The following SLC6A15 variants were observed in gnomAD, a reference collection of about 807,000 sequenced individuals.
The protein encoded by SLC6A15 is solute carrier family 6 member 15.
A neutral mutation model predicts 68.5 loss-of-function variants in SLC6A15; 33 were observed. The ratio of observed to expected loss-of-function variants is 0.48; its 90% CI spans 0.37 to 0.64. The LOEUF (loss-of-function observed/expected upper bound fraction) is 0.64. Ranked by LOEUF, SLC6A15 falls within the 30% of genes least tolerant of loss-of-function variation. The probability of loss-of-function intolerance (pLI) is 0.00; values close to 1 mark genes in which losing one functional copy is unlikely to be tolerated. For missense variants in SLC6A15, 747 were observed against 874.3 expected (o/e 0.85, Z 1.84); for synonymous variants, 347 against 301.0 (o/e 1.15, Z -1.58).
chr12:84,872,769 A>G lies in SLC6A15; in HGVS notation c.1135T>C (p.Leu379=). 2 of 1,603,124 alleles carry G rather than the reference A, an allele frequency of 1.2e-6. No individual in the cohort carries two copies. The highest frequency in any genetic ancestry group is 1.1e-5 in the South Asian group (1 of 88,066). ...TQNSETIMKF[L]KMGNISQDII... Reference sequence around the variant, plus strand: ...TCCTGACTAATGTTCCCCATTTTCAAAAATTTCATGATCGTCTCTGAATTT... The same window carrying G: ...TCCTGACTAATGTTCCCCATTTTCAGAAATTTCATGATCGTCTCTGAATTT... The change falls in exon 8 of 12, where the codon TTG becomes CTG. Residue 379 remains leucine, a synonymous_variant. Coordinates refer to ENST00000266682, the MANE Select transcript of SLC6A15 (RefSeq NM_182767.6).
chr12:84,872,978 G>T, intron 7 of SLC6A15, 109 bp downstream of exon 7: 1 of 1,352,754 alleles, frequency 7.4e-7, no homozygotes, highest in Non-Finnish European at 9.9e-7. Context: ...TGTTTGTGTC[G>T]AACTATCACA....
At position 84,859,733 on chromosome 12, in the gene SLC6A15, A is replaced by G. The variant is rs1353888626; in HGVS notation, c.*1899T>C. ...CAACACAAAAATAAACAAAATTTTTATTAGTTCAGCCTCTGAAATAAGGAA... is the reference window on the plus strand; with the variant it reads ...CAACACAAAAATAAACAAAATTTTTGTTAGTTCAGCCTCTGAAATAAGGAA... On this transcript the variant is annotated 3_prime_UTR_variant, in exon 12 of 12. Transcript: ENST00000266682. The G allele has an allele frequency of 6.6e-6, 1 of 152,110 alleles. No individual in the cohort carries two copies. Among genetic ancestry groups the G allele is most frequent in the African/African-American group, 2.4e-5 (1 of 41,456 alleles). The allele number at this position is 152,110 out of a possible 1,614,324, so 9.4% of individuals were successfully genotyped here.
chr12:84,895,973 TAGA>T (rs1404487058), intron 1 of SLC6A15, among the ~76,000 whole-genome samples: 3 of 152,072 alleles, frequency 2.0e-5, no homozygotes, highest in African/African-American at 7.2e-5. Flanking sequence ...CATCTGAGAA[TAGA>T]AGAAGAAATG....
chr12:84,898,225 C>T (rs1316557438), intron 1 of SLC6A15, among the ~76,000 whole-genome samples: 2 of 152,128 alleles, frequency 1.3e-5, no homozygotes, highest in African/African-American at 4.8e-5. Flanking sequence ...CCTTTAGTCC[C>T]AGCTACTTGG....
rs1284209593 is a variant in SLC6A15 at position 84,860,471 on chromosome 12, T to C, written c.*1161A>G. 6.6e-6 allele frequency: 1 copy of C among 152,110 alleles called. No homozygotes were observed. Among genetic ancestry groups the C allele is most frequent in the Admixed American group, 6.6e-5 (1 of 15,256 alleles). The allele number at this position is 152,110 out of a possible 1,614,324, so 9.4% of individuals were successfully genotyped here. A position where few individuals can be genotyped will look rare whatever the true frequency, so the allele number is the denominator to read the frequency against. On this transcript the variant is annotated 3_prime_UTR_variant, in exon 12 of 12. Coordinates refer to ENST00000266682, the MANE Select transcript of SLC6A15 (RefSeq NM_182767.6). ...ATCATAAGACTACATAAGAACACCATTGAACCATAATACTCTATTTTTCCT... is the reference window on the plus strand; with the variant it reads ...ATCATAAGACTACATAAGAACACCACTGAACCATAATACTCTATTTTTCCT...
In SLC6A15 at chr12:84,891,975, G is replaced by A. The variant is rs1872419106; in HGVS notation, c.146C>T (p.Thr49Ile). 6.2e-7 allele frequency: 1 copy of A among 1,613,750 alleles called. No individual in the cohort carries two copies. The highest frequency in any genetic ancestry group is 1.1e-5 in the South Asian group (1 of 91,080). ...GACTTCAGATCCTTCTTCAACATCT[G>A]TATCTTTCTCTTCCTGGCCATCAAC... Reference protein sequence around the residue: ...LIVDGQEEKDTDVEEGSEVED... With the variant: ...LIVDGQEEKDIDVEEGSEVED... Residue 49 changes from threonine (T) to isoleucine (I), a missense_variant, in exon 2 of 12, where the codon ACA (threonine) becomes ATA (isoleucine). By Grantham distance (89) the Thr-to-Ile change is moderately conservative. Transcript: ENST00000266682.
At chr12:84,885,249 A>T (rs1249858242) in intron 4 of SLC6A15, among the ~76,000 whole-genome samples, 186 bp downstream of exon 4, 1 of 152,146 alleles carries the variant, frequency 6.6e-6, no homozygotes, top group East Asian at 1.9e-4. Context: ...GAGCTAAAAA[A>T]ATTAGATGGT....
chr12:84,861,737 T>G lies in SLC6A15; in HGVS notation c.2088A>C (p.Arg696=). 1 of 1,614,020 alleles carries G rather than the reference T, an allele frequency of 6.2e-7. No individual in the cohort carries two copies. The highest frequency in any genetic ancestry group is 8.5e-7 in the Non-Finnish European group (1 of 1,179,936). ...CCAGAGTTGGGGATCCACTCTGTTTTCGATAAATATTTTTACCAAAATTTG... is the reference window on the plus strand; with the variant it reads ...CCAGAGTTGGGGATCCACTCTGTTTGCGATAAATATTTTTACCAAAATTTG... ...PSPNFGKNIY[R]KQSGSPTLDT... is the part of the protein sequence containing the mutation. The change falls in exon 12 of 12, where the codon CGA becomes CGC. Residue 696 remains arginine, a synonymous_variant. Transcript: ENST00000266682.
chr12:84,876,089 A>ATT (rs373430780), intron 6 of SLC6A15, among the ~76,000 whole-genome samples: 1 of 147,976 alleles, frequency 6.8e-6, no homozygotes, highest in East Asian at 2.0e-4. Flanking sequence ...TAATATGTTC[A>ATT]TTTTTTTTTT....
intron 2 of SLC6A15, 61 bp downstream of exon 2, chr12:84,891,771 C>G: frequency 6.9e-7 from 1 of 1,447,830 alleles, no homozygotes; most frequent in Non-Finnish European, 9.4e-7. Context: ...ATAATAGGAG[C>G]TATTTGAGAA....
At chr12:84,902,327 G>T (rs1243931924) in intron 1 of SLC6A15, among the ~76,000 whole-genome samples, 1 of 151,800 alleles carries the variant, frequency 6.6e-6, no homozygotes, top group East Asian at 1.9e-4. Context: ...TATCAGAATG[G>T]CTAAACTTTG....
chr12:84,875,110 T>C (rs958900675), intron 6 of SLC6A15, among the ~76,000 whole-genome samples: 2 of 152,202 alleles, frequency 1.3e-5, no homozygotes, highest in Admixed American at 6.5e-5. Context: ...GTTTAGAATT[T>C]TGTCACAAGC....
chr12:84,863,847 T>G (rs998700023), intron 10 of SLC6A15, among the ~76,000 whole-genome samples: 2 of 151,906 alleles, frequency 1.3e-5, no homozygotes, highest in African/African-American at 4.8e-5. Context: ...TAACTTTCTA[T>G]TCTATAAACA....
chr12:84,885,814 G>T, intron 3 of SLC6A15, 97 bp downstream of exon 3: 1 of 1,256,766 alleles, frequency 8.0e-7, no homozygotes, highest in Non-Finnish European at 1.1e-6. Context: ...TAAAAGAGTT[G>T]TTTATTAACA....
At chr12:84,868,636 C>G (rs1422299925) in intron 9 of SLC6A15, among the ~76,000 whole-genome samples, 1 of 152,130 alleles carries the variant, frequency 6.6e-6, no homozygotes, top group Non-Finnish European at 1.5e-5. Context: ...AGTAAACACA[C>G]CTACCAAAGA....
intron 2 of SLC6A15, among the ~76,000 whole-genome samples, chr12:84,890,166 T>C (rs1872322531): frequency 6.6e-6 from 1 of 152,202 alleles, no homozygotes; most frequent in African/African-American, 2.4e-5. Context: ...TGTACACTAC[T>C]GCTTTCTAGT....
In SLC6A15 at chr12:84,872,724, T is replaced by C. The variant is rs2120576182; in HGVS notation, c.1180A>G (p.Asn394Asp). ...TCTTCTGCAGTAACAGTTGAAAGGTTGATATGATGGGGAATAATATCCTGA... is the reference window on the plus strand; with the variant it reads ...TCTTCTGCAGTAACAGTTGAAAGGTCGATATGATGGGGAATAATATCCTGA... ...ISQDIIPHHI[N>D]LSTVTAEDYH... Residue 394 changes from asparagine (N) to aspartate (D), a missense_variant, in exon 8 of 12, where the codon AAC becomes GAC. Coordinates refer to ENST00000266682, the MANE Select transcript of SLC6A15 (RefSeq NM_182767.6). 1 of 1,613,324 alleles carries C rather than the reference T, an allele frequency of 6.2e-7. No homozygotes were observed. Among genetic ancestry groups the C allele is most frequent in the East Asian group, 2.2e-5 (1 of 44,794 alleles).
chr12:84,889,248 T>C (rs1271061427), intron 2 of SLC6A15, among the ~76,000 whole-genome samples: 1 of 151,830 alleles, frequency 6.6e-6, no homozygotes, highest in Non-Finnish European at 1.5e-5. Context: ...CCCAGCACTT[T>C]GGGAGGCCGA....
At chr12:84,875,625 T>C (rs1464652901) in intron 6 of SLC6A15, among the ~76,000 whole-genome samples, 1 of 136,708 alleles carries the variant, frequency 7.3e-6, no homozygotes, top group African/African-American at 2.6e-5. Context: ...ATGATAGTAT[T>C]AGCAAACTAA....
Sources: gnomAD v4.1 joint callset for allele counts (sites outside exome capture counted in the v4.1 genomes callset) on GRCh38, gnomAD v4.1.1 for gene constraint, MANE v1.5 for transcripts, NCBI Gene and HGNC (gene_info 2026-07-23, HGNC 2026-07-21) for gene names.